Variants in TTC21B observed in about 807,000 individuals in gnomAD.
The protein encoded by TTC21B is tetratricopeptide repeat domain 21B, also known as tetratricopeptide repeat protein 21B.
In TTC21B, 127 loss-of-function variants were observed where a neutral mutation model predicts 175.1. That is an observed-to-expected ratio of 0.73 (90% CI 0.63 to 0.84). The LOEUF (loss-of-function observed/expected upper bound fraction) is 0.84. TTC21B is among the 40% of genes least tolerant of loss of function. TTC21B has a pLI of 0.00. For missense variants in TTC21B, 1,561 were observed against 1,558.3 expected, an observed-to-expected ratio of 1.00 and a Z score of -0.03; for synonymous variants, 524 against 524.5, an observed-to-expected ratio of 1.00 and a Z score of 0.01.
chr2:165,884,886 TAACA>T (rs1370167903), intron 25 of TTC21B, among the ~76,000 whole-genome samples: 1 of 152,176 alleles, frequency 6.6e-6, no homozygotes, highest in East Asian at 1.9e-4. Context: ...AGCCTCAGCT[TAACA>T]TACAAATAAA....
chr2:165,876,089 C>A (rs1684655878), intron 28 of TTC21B, 76 bp downstream of exon 28: 1 of 848,506 alleles, frequency 1.2e-6, no homozygotes, highest in South Asian at 1.3e-5. Context: ...TTTCTATTCA[C>A]ATACATCTGG....
intron 6 of TTC21B, 60 bp downstream of exon 6, chr2:165,940,967 G>A (rs1163368285): frequency 3.8e-6 from 6 of 1,586,128 alleles, no homozygotes; most frequent in East Asian, 2.2e-5. Context: ...CACAGATGTC[G>A]CTTTTTCTCA....
chr2:165,923,271 A>C (rs536317541), intron 12 of TTC21B, among the ~76,000 whole-genome samples: 1 of 152,268 alleles, frequency 6.6e-6, no homozygotes, highest in East Asian at 1.9e-4. Flanking sequence ...AAGAAAACAG[A>C]GGTCCAAGGA....
intron 3 of TTC21B, 71 bp from the exon 4 acceptor site, chr2:165,945,761 A>G: frequency 6.7e-7 from 1 of 1,495,858 alleles, no homozygotes; most frequent in South Asian, 1.2e-5. Context: ...TCAGATAATT[A>G]ACAAGGCAAA....
At chr2:165,889,376 T>C (rs539369154) in intron 24 of TTC21B, among the ~76,000 whole-genome samples, 22 of 152,286 alleles carry the variant, frequency 1.4e-4, no homozygotes, top group African/African-American at 5.3e-4. Flanking sequence ...GTTAGCAAGC[T>C]TAACATTTAG....
intron 18 of TTC21B, 145 bp downstream of exon 18, chr2:165,911,182 C>T: frequency 1.1e-6 from 1 of 929,088 alleles, no homozygotes; most frequent in African/African-American, 1.7e-5. Context: ...AGTAGAGTGG[C>T]ATTCTGATAA....
intron 26 of TTC21B, among the ~76,000 whole-genome samples, chr2:165,882,246 TATG>T (rs1382386238): frequency 2.0e-5 from 3 of 152,190 alleles, no homozygotes; most frequent in Non-Finnish European, 2.9e-5. Context: ...GGAAAATGTC[TATG>T]ATGAGAAACG....
At chr2:165,952,686 C>T (rs1687795220) in intron 1 of TTC21B, among the ~76,000 whole-genome samples, 1 of 152,174 alleles carries the variant, frequency 6.6e-6, no homozygotes, top group Admixed American at 6.5e-5. Context: ...ATAGCTAGAA[C>T]AGAGGATAAT....
At chr2:165,933,894 A>T (rs568777244) in intron 6 of TTC21B, 6 of 152,312 alleles carry the variant, frequency 3.9e-5, no homozygotes, top group African/African-American at 1.4e-4. Context: ...TGCTATCAGT[A>T]CAAGAAGAAT....
At chr2:165,919,886 T>C (rs2105329989) in intron 12 of TTC21B, among the ~76,000 whole-genome samples, 1 of 152,254 alleles carries the variant, frequency 6.6e-6, no homozygotes, top group African/African-American at 2.4e-5. Flanking sequence ...CTATTACTAC[T>C]ATACATAAAA....
At chr2:165,935,017 T>C (rs1242067801) in intron 6 of TTC21B, among the ~76,000 whole-genome samples, 1 of 152,178 alleles carries the variant, frequency 6.6e-6, no homozygotes, top group Non-Finnish European at 1.5e-5. Context: ...AAGTAATATA[T>C]GCCATTTCTG....
At chr2:165,929,989 A>G (rs1399678878) in intron 9 of TTC21B, among the ~76,000 whole-genome samples, 183 bp downstream of exon 9, 1 of 151,654 alleles carries the variant, frequency 6.6e-6, no homozygotes, top group African/African-American at 2.4e-5. Context: ...ATAAAAATCT[A>G]TTCTCTCAAG....
At chr2:165,939,838 G>T (rs1209705166) in intron 6 of TTC21B, among the ~76,000 whole-genome samples, 2 of 152,128 alleles carry the variant, frequency 1.3e-5, no homozygotes, top group African/African-American at 4.8e-5. Flanking sequence ...CAAGTAGTGG[G>T]TAAGAGCACA....
chr2:165,887,231 A>G (rs1685025846), intron 25 of TTC21B, among the ~76,000 whole-genome samples: 1 of 152,182 alleles, frequency 6.6e-6, no homozygotes, highest in South Asian at 2.1e-4. Context: ...AAAATTCTGT[A>G]TGTTCTCTGA....
chr2:165,896,419 GACA>G (rs754220049), intron 22 of TTC21B, among the ~76,000 whole-genome samples: 24 of 151,988 alleles, frequency 1.6e-4, no homozygotes, highest in Non-Finnish European at 3.2e-4. Context: ...AGCAGTGAAG[GACA>G]ACGTTTCTGG....
intron 19 of TTC21B, among the ~76,000 whole-genome samples, chr2:165,902,912 A>C (rs1229581504): frequency 6.6e-6 from 1 of 152,224 alleles, no homozygotes; most frequent in Non-Finnish European, 1.5e-5. Flanking sequence ...AGTAGAAAGC[A>C]GGGAAAGACC....
In TTC21B at chr2:165,929,322, A is replaced by G; in HGVS notation, c.1199T>C (p.Leu400Ser). The change falls in exon 11 of 29, where the codon TTA becomes TCA. Residue 400 changes from leucine to serine, a missense_variant. Coordinates refer to ENST00000243344, the MANE Select transcript of TTC21B (RefSeq NM_024753.5). Reference sequence around the variant, plus strand: ...TTTCTTCATGGCAAGAACTGCATGTAAATAGATTAATTCCTAGAAAATAAG... The same window carrying G: ...TTTCTTCATGGCAAGAACTGCATGTGAATAGATTAATTCCTAGAAAATAAG... ...SIGKSAELIY[L>S]HAVLAMKKNK... The G allele has an allele frequency of 6.2e-7, 1 of 1,606,120 alleles. No individual in the cohort carries two copies. Among genetic ancestry groups the G allele is most frequent in the Non-Finnish European group, 8.5e-7 (1 of 1,174,066 alleles).
chr2:165,882,284 A>T (rs529644423), intron 26 of TTC21B, among the ~76,000 whole-genome samples: 2 of 152,216 alleles, frequency 1.3e-5, no homozygotes, highest in Non-Finnish European at 2.9e-5. Flanking sequence ...TGGTTAACCA[A>T]TTCTGTACAG....
rs924460239 is a variant in TTC21B at position 165,888,521 on chromosome 2, C to T, written c.3264-47G>A. ...TCACTTCTGTCTCTTACTCATGATACAATTCATTGAGATTAGAATCAGCTT... is the reference window on the plus strand; with the variant it reads ...TCACTTCTGTCTCTTACTCATGATATAATTCATTGAGATTAGAATCAGCTT... On this transcript the variant is annotated intron_variant, in intron 24 of 28. Transcript: ENST00000243344. The T allele has an allele frequency of 3.0e-5, 43 of 1,435,736 alleles. No individual in the cohort carries two copies. The Admixed American group carries it at 5.4e-4, about 18-fold the overall frequency. 88.9% of individuals were successfully genotyped at this position (1,435,736 alleles called of 1,614,324 possible).
Sources: allele counts gnomAD v4.1 joint callset (sites outside exome capture counted in the v4.1 genomes callset), GRCh38; gene constraint gnomAD v4.1.1; transcripts MANE v1.5; gene names NCBI Gene and HGNC (gene_info 2026-07-23, HGNC 2026-07-21).